Variants in FAM227B observed in about 807,000 individuals in gnomAD.
FAM227B encodes family with sequence similarity 227 member B.
FAM227B carries 88 observed loss-of-function variants against 73.8 expected under a neutral mutation model. The ratio of observed to expected loss-of-function variants is 1.19; its 90% CI spans 1.00 to 1.42. The LOEUF (loss-of-function observed/expected upper bound fraction) is 1.42. Ranked by LOEUF, FAM227B falls within the 40% of genes most tolerant of loss-of-function variation. The pLI, the probability that FAM227B is intolerant of heterozygous loss-of-function variation, is 0.00. For missense variants in FAM227B, 632 were observed against 590.9 expected, an observed-to-expected ratio of 1.07 and a Z score of -0.72; for synonymous variants, 210 against 190.5, an observed-to-expected ratio of 1.10 and a Z score of -0.84.
intron 10 of FAM227B, among the ~76,000 whole-genome samples, chr15:49,513,135 G>A (rs1007208863): frequency 4.6e-5 from 7 of 152,130 alleles, no homozygotes; most frequent in Admixed American, 6.6e-5. Flanking sequence ...TGGAATTGCT[G>A]GATCAAATGG....
At chr15:49,397,977 G>A (rs2047822332) in intron 11 of FAM227B, among the ~76,000 whole-genome samples, 1 of 152,104 alleles carries the variant, frequency 6.6e-6, no homozygotes, top group Admixed American at 6.6e-5. Context: ...ATAATGACAG[G>A]ATCAAATTCA....
At chr15:49,586,440 A>T (rs1347557836) in intron 5 of FAM227B, among the ~76,000 whole-genome samples, 1 of 152,244 alleles carries the variant, frequency 6.6e-6, no homozygotes, top group Non-Finnish European at 1.5e-5. Context: ...AAAACCCTGG[A>T]AGACAACCTA....
intron 13 of FAM227B, among the ~76,000 whole-genome samples, chr15:49,345,182 G>A (rs2041285225): frequency 6.6e-6 from 1 of 152,070 alleles, no homozygotes; most frequent in African/African-American, 2.4e-5. Flanking sequence ...TCTTTGACTT[G>A]TACATTTATT....
At chr15:49,342,379 T>C (rs904265890) in intron 13 of FAM227B, among the ~76,000 whole-genome samples, 1 of 152,204 alleles carries the variant, frequency 6.6e-6, no homozygotes, top group Non-Finnish European at 1.5e-5. Context: ...ATTTATGTGA[T>C]AGAACTTTCT....
intron 4 of FAM227B, 27 bp from the exon 5 acceptor site, chr15:49,588,110 T>C (rs781667270): frequency 2.3e-6 from 3 of 1,297,924 alleles, no homozygotes; most frequent in East Asian, 2.7e-5. Flanking sequence ...ATTCACAGTA[T>C]ATATATTATA....
At chr15:49,414,184 G>C (rs1053805443) in intron 11 of FAM227B, among the ~76,000 whole-genome samples, 1 of 152,036 alleles carries the variant, frequency 6.6e-6, no homozygotes, top group African/African-American at 2.4e-5. Flanking sequence ...AGTTAACTAG[G>C]ACCAAGGACT....
At chr15:49,412,167 T>G (rs139564932) in intron 11 of FAM227B, among the ~76,000 whole-genome samples, 14 of 152,234 alleles carry the variant, frequency 9.2e-5, no homozygotes, top group African/African-American at 3.4e-4. Flanking sequence ...AAAGCTATAA[T>G]CATGTGTAGC....
chr15:49,432,265 A>G (rs927274621), intron 11 of FAM227B, among the ~76,000 whole-genome samples: 8 of 151,702 alleles, frequency 5.3e-5, no homozygotes, highest in African/African-American at 1.9e-4. Flanking sequence ...TCTTAAGGTA[A>G]TATTTCCAAA....
chr15:49,365,209 AC>A, intron 13 of FAM227B: 1 of 885,004 alleles, frequency 1.1e-6, no homozygotes, highest in African/African-American at 1.6e-5. Flanking sequence ...GATAGCTGTT[AC>A]CTTTCCAGAA....
At chr15:49,365,918 A>G (rs1170986280) in intron 13 of FAM227B, 1 of 964,876 alleles carries the variant, frequency 1.0e-6, no homozygotes, top group Non-Finnish European at 1.7e-6. Context: ...CTCATTGCTG[A>G]TACTATGCAG....
At chr15:49,575,401 C>T (rs1460941007) in intron 7 of FAM227B, among the ~76,000 whole-genome samples, 1 of 151,610 alleles carries the variant, frequency 6.6e-6, no homozygotes, top group African/African-American at 2.4e-5. Flanking sequence ...ATTTTTAGTA[C>T]TAGGCATTTG....
intron 3 of FAM227B, among the ~76,000 whole-genome samples, chr15:49,600,091 C>T (rs2077097175): frequency 6.6e-6 from 1 of 152,060 alleles, no homozygotes; most frequent in South Asian, 2.1e-4. Context: ...GGTGTTCTGA[C>T]ACTGGGTGCA....
chr15:49,577,743 AG>A, intron 5 of FAM227B, 79 bp from the exon 6 acceptor site: 1 of 775,974 alleles, frequency 1.3e-6, no homozygotes, highest in Non-Finnish European at 2.1e-6. Context: ...TCAGTTAACT[AG>A]TATGCATAGA....
chr15:49,417,565 T>C (rs1346648670), intron 11 of FAM227B, among the ~76,000 whole-genome samples: 1 of 151,986 alleles, frequency 6.6e-6, no homozygotes. Context: ...AAACAAGCAA[T>C]GAAGAAATAA....
intron 11 of FAM227B, among the ~76,000 whole-genome samples, chr15:49,469,027 A>G (rs1291422776): frequency 6.6e-6 from 1 of 152,244 alleles, no homozygotes; most frequent in Non-Finnish European, 1.5e-5. Flanking sequence ...TGTTTTATGT[A>G]TATGTATATA....
Position 49,328,261 on chromosome 15 carries a change from T to G in FAM227B, c.*307A>C. 6.8e-7 allele frequency: 1 copy of G among 1,464,974 alleles called. No individual in the cohort carries two copies. The highest frequency in any genetic ancestry group is 2.6e-5 in the Admixed American group (1 of 38,774). The allele number at this position is 1,464,974 out of a possible 1,614,324, so 90.7% of individuals were successfully genotyped here. A position where few individuals can be genotyped will look rare whatever the true frequency, so the allele number is the denominator to read the frequency against. ...ATCTTCCTTCTGTTTTGTATTATGATGAACGGTTGCTATTATATCAAGATA... is the reference window on the plus strand; with the variant it reads ...ATCTTCCTTCTGTTTTGTATTATGAGGAACGGTTGCTATTATATCAAGATA... On this transcript the variant is annotated 3_prime_UTR_variant, in exon 16 of 16. Coordinates refer to ENST00000299338, the MANE Select transcript of FAM227B (RefSeq NM_152647.3).
intron 11 of FAM227B, among the ~76,000 whole-genome samples, chr15:49,454,992 G>A (rs1396763787): frequency 6.6e-6 from 1 of 152,136 alleles, no homozygotes; most frequent in African/African-American, 2.4e-5. Flanking sequence ...AGTGAGGTGG[G>A]ATGGAAAACA....
intron 13 of FAM227B, among the ~76,000 whole-genome samples, chr15:49,361,469 G>T (rs1451332521): frequency 6.6e-6 from 1 of 152,014 alleles, no homozygotes; most frequent in African/African-American, 2.4e-5. Context: ...TCAATGTTTA[G>T]CTCCTACTTA....
intron 5 of FAM227B, among the ~76,000 whole-genome samples, chr15:49,580,850 A>T (rs1176104685): frequency 1.3e-5 from 2 of 152,240 alleles, no homozygotes; most frequent in Non-Finnish European, 2.9e-5. Flanking sequence ...AATCACAAGT[A>T]TTAACAGCAG....
Sources: allele counts gnomAD v4.1 joint callset (sites outside exome capture counted in the v4.1 genomes callset), GRCh38; gene constraint gnomAD v4.1.1; transcripts MANE v1.5; gene names NCBI Gene and HGNC (gene_info 2026-07-23, HGNC 2026-07-21).